The following CMIP variants were observed in gnomAD, a reference collection of about 807,000 sequenced individuals.
The protein encoded by CMIP is C-Maf-inducing protein.
In CMIP, 13 loss-of-function variants were observed where a neutral mutation model predicts 97.3. The observed-to-expected ratio is 0.13, with a 90% CI of 0.09 to 0.21. The LOEUF is 0.21. Ranked by LOEUF, CMIP falls within the 10% of genes least tolerant of loss-of-function variation. The probability of loss-of-function intolerance (pLI) is 1.00; values close to 1 mark genes in which losing one functional copy is unlikely to be tolerated. For synonymous variants in CMIP, 538 were observed against 436.3 expected, an observed-to-expected ratio of 1.23 and a Z score of -2.91; for missense variants, 847 against 1,024.9, an observed-to-expected ratio of 0.83 and a Z score of 2.37.
chr16:81,545,605 C>G (rs920743888), intron 1 of CMIP, among the ~76,000 whole-genome samples: 3 of 152,186 alleles, frequency 2.0e-5, no homozygotes, highest in African/African-American at 7.2e-5. Context: ...AGAGAAGTGA[C>G]TTGGTCCAGA....
At chr16:81,698,679 T>C (rs1907042806) in intron 14 of CMIP, among the ~76,000 whole-genome samples, 1 of 152,210 alleles carries the variant, frequency 6.6e-6, no homozygotes, top group Non-Finnish European at 1.5e-5. Context: ...ACATTCATGT[T>C]GTAACACAAC....
chr16:81,520,116 G>A (rs2089990499), intron 1 of CMIP: 1 of 152,208 alleles, frequency 6.6e-6, no homozygotes, highest in Non-Finnish European at 1.5e-5. Context: ...TAGCAGGTGG[G>A]GCCTAAGATT....
chr16:81,705,148 C>T (rs1375761512), intron 18 of CMIP, among the ~76,000 whole-genome samples: 1 of 152,170 alleles, frequency 6.6e-6, no homozygotes, highest in Non-Finnish European at 1.5e-5. Flanking sequence ...CAGCCTGCCC[C>T]CGGCCCAGCC....
At chr16:81,448,465 C>T (rs925403950) in intron 1 of CMIP, among the ~76,000 whole-genome samples, 22 of 152,234 alleles carry the variant, frequency 1.4e-4, no homozygotes, top group African/African-American at 3.9e-4. Context: ...TGGGTGACAC[C>T]GGCTAGGTAC....
rs559449896 is a variant in CMIP at position 81,468,541 on chromosome 16, T to C, written c.300+23000T>C. The stretch of plus-strand genomic sequence containing the variant: ...CCGTGCCCTCTGTGCTTTCAGAGTG[T>C]TCTCTCATTCAGCAGTTAGGCATCG... On this transcript the variant is annotated intron_variant, in intron 1 of 20. Transcript: ENST00000537098. Among the ~76,000 whole-genome samples the C allele has an allele frequency of 5.1e-4, 78 of 152,378 alleles. 1 individual carries two copies. The highest frequency in any genetic ancestry group is 6.8e-3 in the Middle Eastern group (2 of 294).
chr16:81,678,637 C>CCA lies in CMIP; in HGVS notation c.1388+10_1388+11insAC. 7.1e-7 allele frequency: 1 copy of CCA among 1,417,010 alleles called. No homozygotes were observed. The allele number at this position is 1,417,010 out of a possible 1,614,324, so 87.8% of individuals were successfully genotyped here. A position where few individuals can be genotyped will look rare whatever the true frequency, so the allele number is the denominator to read the frequency against. ...GAAATCCTCAAGCTGCTGTGAGTGC[C>CCA]CCCCCCGCGTGCCCGCCCCCGGGGC... On this transcript the variant is annotated intron_variant, in intron 10 of 20. Transcript: ENST00000537098.
At chr16:81,494,663 A>G (rs1283509726) in intron 1 of CMIP, among the ~76,000 whole-genome samples, 1 of 151,718 alleles carries the variant, frequency 6.6e-6, no homozygotes, top group African/African-American at 2.4e-5. Context: ...GCTTAAGGTC[A>G]CACAGCAGGA....
At chr16:81,603,239 C>A (rs1017206192) in intron 1 of CMIP, among the ~76,000 whole-genome samples, 1 of 152,156 alleles carries the variant, frequency 6.6e-6, no homozygotes, top group African/African-American at 2.4e-5. Flanking sequence ...GCCACCACGC[C>A]TGGCTCGTTT....
intron 1 of CMIP, among the ~76,000 whole-genome samples, chr16:81,572,528 T>G (rs1389097761): frequency 6.6e-6 from 1 of 152,254 alleles, no homozygotes; most frequent in Non-Finnish European, 1.5e-5. Flanking sequence ...GTGTGCTTGC[T>G]CTGTTAGTTC....
chr16:81,678,398 G>C lies in CMIP; in HGVS notation c.1158G>C (p.Thr386=). Residue 386 remains threonine (T), a synonymous_variant, in exon 10 of 21, where the codon ACG becomes ACC. Transcript: ENST00000537098. ...CGGACCTGGTGTCTCAGGAAGCCAC[G>C]CTGTCTGAGGCCCGGCTCAAGTCGG... ...PSPDLVSQEA[T]LSEARLKSVV... is the part of the protein sequence containing the mutation. 6.2e-7 allele frequency: 1 copy of C among 1,606,446 alleles called. No homozygotes were observed. Among genetic ancestry groups the C allele is most frequent in the Non-Finnish European group, 8.5e-7 (1 of 1,176,914 alleles).
chr16:81,670,162 A>C lies in CMIP; in HGVS notation c.846A>C (p.Arg282=), dbSNP rs754812064. The part of the protein sequence containing the change: ...KHNMDFGKCP[R]LRLFTQEYIL... ...CACAGGACTTTGGGAAGTGCCCGCG[A>C]CTGAGGCTGTTTACTCAGGAGTACA... Residue 282 remains arginine, a synonymous_variant, in exon 8 of 21, where the codon CGA becomes CGC. Transcript: ENST00000537098. 74 of 1,610,036 alleles carry C rather than the reference A, an allele frequency of 4.6e-5. No homozygotes were observed. The highest frequency in any genetic ancestry group is 6.2e-5 in the Non-Finnish European group (73 of 1,178,396).
intron 1 of CMIP, among the ~76,000 whole-genome samples, chr16:81,515,720 T>TG (rs1209518307): frequency 3.3e-5 from 5 of 152,196 alleles, no homozygotes; most frequent in Non-Finnish European, 5.9e-5. Flanking sequence ...TGTTTGCCCT[T>TG]GGGGTCCGTT....
At chr16:81,631,386 A>T (rs568814960) in intron 3 of CMIP, 2 of 152,382 alleles carry the variant, frequency 1.3e-5, no homozygotes, top group South Asian at 4.1e-4. Flanking sequence ...CACTTTGCCC[A>T]GCTGGAGCTA....
chr16:81,445,181 C>A lies in CMIP; in HGVS notation c.-61C>A. 8.8e-7 allele frequency: 1 copy of A among 1,134,112 alleles called. No homozygotes were observed. The highest frequency in any genetic ancestry group is 1.2e-6 in the Non-Finnish European group (1 of 869,144). The allele number at this position is 1,134,112 out of a possible 1,614,324, so 70.3% of individuals were successfully genotyped here. A position where few individuals can be genotyped will look rare whatever the true frequency, so the allele number is the denominator to read the frequency against. ...GGGCCGCCGGATCCGGGGGCCCCGC[C>A]GCCCCAGCAGCCCAGGACAGCCCCC... On this transcript the variant is annotated 5_prime_UTR_variant, in exon 1 of 21. Coordinates refer to ENST00000537098, the MANE Select transcript of CMIP (RefSeq NM_198390.3).
chr16:81,661,992 C>CATGA (rs1304925628), intron 6 of CMIP, among the ~76,000 whole-genome samples: 1 of 152,018 alleles, frequency 6.6e-6, no homozygotes, highest in Non-Finnish European at 1.5e-5. Context: ...AGTGAACACC[C>CATGA]GTGAGTGTGT....
chr16:81,668,850 T>TCACTGCCTTCCACACCCCCCTCA (rs2092640973), intron 7 of CMIP, among the ~76,000 whole-genome samples: 21 of 120,898 alleles, frequency 1.7e-4, no homozygotes, highest in African/African-American at 5.8e-4. Context: ...CACCTCACAC[T>TCACTGCCTTCCACACCCCCCTCA]CACTGCCTTC....
chr16:81,547,160 G>C (rs1320489681), intron 1 of CMIP, among the ~76,000 whole-genome samples: 2 of 152,204 alleles, frequency 1.3e-5, no homozygotes, highest in African/African-American at 2.4e-5. Flanking sequence ...AGGAGGATCT[G>C]GGGCAGAGGA....
chr16:81,540,643 A>AGTGTGTGT (rs67286788), intron 1 of CMIP, among the ~76,000 whole-genome samples: 407 of 141,974 alleles, frequency 2.9e-3, no homozygotes, highest in African/African-American at 4.2e-3. Context: ...TCTTGTTTTG[A>AGTGTGTGT]GTGTGTGTGT....
chr16:81,678,745 G>C (rs1042148744), intron 10 of CMIP, 117 bp downstream of exon 10: 1 of 607,480 alleles, frequency 1.6e-6, no homozygotes, highest in South Asian at 1.9e-5. Context: ...TGGTAGAGTG[G>C]CTTGTGTGTG....
Sources: allele counts gnomAD v4.1 joint callset (sites outside exome capture counted in the v4.1 genomes callset), GRCh38; gene constraint gnomAD v4.1.1; transcripts MANE v1.5; gene names NCBI Gene and HGNC (gene_info 2026-07-23, HGNC 2026-07-21).